Variants in TMEM123 observed in about 807,000 individuals in gnomAD.
TMEM123 encodes porimin.
TMEM123 carries 16 observed loss-of-function variants against 19.7 expected under a neutral mutation model. That is an observed-to-expected ratio of 0.81 (90% CI 0.55 to 1.23). The LOEUF (loss-of-function observed/expected upper bound fraction) is 1.23, where lower values mean the gene tolerates loss of function less well. TMEM123 is among the 50% of genes most tolerant of loss of function. The pLI is 0.00. For missense variants in TMEM123, 313 were observed against 257.8 expected (o/e 1.21, Z -1.47); for synonymous variants, 118 against 99.4 (o/e 1.19, Z -1.12).
chr11:102,444,239 C>T (rs764748761), intron 2 of TMEM123, among the ~76,000 whole-genome samples: 5 of 152,196 alleles, frequency 3.3e-5, no homozygotes, highest in African/African-American at 7.2e-5. Context: ...TATAAAGACA[C>T]ATGCACACGT....
intron 2 of TMEM123, among the ~76,000 whole-genome samples, chr11:102,420,647 C>G (rs1952077962): frequency 6.6e-6 from 1 of 152,194 alleles, no homozygotes; most frequent in Non-Finnish European, 1.5e-5. Flanking sequence ...TGCACTTCAT[C>G]ACTATTAGGC....
chr11:102,403,526 CTT>C (rs1951930491), intron 2 of TMEM123, among the ~76,000 whole-genome samples: 2 of 152,120 alleles, frequency 1.3e-5, no homozygotes, highest in Admixed American at 6.5e-5. Context: ...TTTAATATGT[CTT>C]TGTCCATTTA....
Position 102,439,644 on chromosome 11 carries a change from C to T in TMEM123, c.157+9168G>A, listed in dbSNP as rs576517538. Reference sequence around the variant, plus strand: ...TCTAAAAATCAGAGCGCCTCTTCTCCTCCAAAGGAATGCAGCTCCTCGCCA... The same window carrying T: ...TCTAAAAATCAGAGCGCCTCTTCTCTTCCAAAGGAATGCAGCTCCTCGCCA... On this transcript the variant is annotated intron_variant, in intron 2 of 4. Coordinates refer to ENST00000398136, the MANE Select transcript of TMEM123 (RefSeq NM_052932.3). Among the ~76,000 whole-genome samples, 26 of 152,310 alleles carry T rather than the reference C, an allele frequency of 1.7e-4. 1 individual carries two copies. In the South Asian group the frequency reaches 5.0e-3, roughly 29 times the overall value.
intron 2 of TMEM123, among the ~76,000 whole-genome samples, chr11:102,402,699 G>A (rs17097728): frequency 1.0e-3 from 155 of 152,312 alleles, no homozygotes; most frequent in African/African-American, 3.5e-3. Flanking sequence ...AGAATGGGAA[G>A]TCCAAGTGAG....
At chr11:102,399,960 A>G (rs1455489176) in intron 4 of TMEM123, among the ~76,000 whole-genome samples, 1 of 99,694 alleles carries the variant, frequency 1.0e-5, no homozygotes, top group Non-Finnish European at 2.0e-5. Context: ...ACAAGAGGGA[A>G]ACTCCATCTC....
chr11:102,418,792 G>T (rs2135851310), intron 2 of TMEM123, among the ~76,000 whole-genome samples: 1 of 152,286 alleles, frequency 6.6e-6, no homozygotes, highest in East Asian at 1.9e-4. Flanking sequence ...AGAAAATGTG[G>T]TATTAATAAT....
chr11:102,442,466 T>G (rs2135864134), intron 2 of TMEM123, among the ~76,000 whole-genome samples: 1 of 152,318 alleles, frequency 6.6e-6, no homozygotes, highest in East Asian at 1.9e-4. Context: ...TCTGAATAGA[T>G]GCAGAAAAGG....
chr11:102,401,512 A>G (rs556905007), intron 4 of TMEM123, 27 bp downstream of exon 4: 4 of 1,528,876 alleles, frequency 2.6e-6, no homozygotes. Context: ...AATTTTTTTT[A>G]AAAAGTCCTG....
At chr11:102,437,820 A>G (rs1213728391) in intron 2 of TMEM123, among the ~76,000 whole-genome samples, 1 of 152,166 alleles carries the variant, frequency 6.6e-6, no homozygotes, top group Admixed American at 6.6e-5. Flanking sequence ...GGCTCAAAAT[A>G]TAATTCTTTT....
chr11:102,399,019 G>T, intron 4 of TMEM123, 128 bp from the exon 5 acceptor site: 1 of 822,152 alleles, frequency 1.2e-6, no homozygotes, highest in Non-Finnish European at 1.9e-6. Context: ...TCAGTGTTCT[G>T]TGTAAAGTTC....
chr11:102,405,648 A>G (rs1412472248), intron 2 of TMEM123, among the ~76,000 whole-genome samples: 4 of 152,176 alleles, frequency 2.6e-5, no homozygotes, highest in East Asian at 1.9e-4. Flanking sequence ...GAATAAAACA[A>G]TGAACACAAT....
chr11:102,405,215 A>G (rs2135843843), intron 2 of TMEM123, among the ~76,000 whole-genome samples: 1 of 151,634 alleles, frequency 6.6e-6, no homozygotes, highest in South Asian at 2.1e-4. Flanking sequence ...CGCCTGGCTA[A>G]TTTTTGTATT....
chr11:102,446,847 A>C (rs1857889918), intron 2 of TMEM123, among the ~76,000 whole-genome samples: 1 of 152,206 alleles, frequency 6.6e-6, no homozygotes, highest in African/African-American at 2.4e-5. Context: ...TCATAATGGA[A>C]TTTGCCAAAG....
intron 2 of TMEM123, among the ~76,000 whole-genome samples, chr11:102,411,003 A>G (rs946085034): frequency 2.6e-5 from 4 of 152,026 alleles, no homozygotes; most frequent in African/African-American, 9.7e-5. Flanking sequence ...GGTTCCTGGC[A>G]CAGAGTTTCT....
intron 2 of TMEM123, among the ~76,000 whole-genome samples, chr11:102,440,812 C>CAG (rs1857817862): frequency 1.3e-5 from 2 of 151,934 alleles, no homozygotes. Context: ...ATCTCATGTG[C>CAG]AGACACACAT....
At chr11:102,400,208 C>T (rs1951900481) in intron 4 of TMEM123, among the ~76,000 whole-genome samples, 1 of 152,176 alleles carries the variant, frequency 6.6e-6, no homozygotes, top group Non-Finnish European at 1.5e-5. Flanking sequence ...TCCAACATTT[C>T]CCAAAATGTG....
At chr11:102,451,413 C>CA (rs1438073335) in intron 1 of TMEM123, among the ~76,000 whole-genome samples, 1 of 152,078 alleles carries the variant, frequency 6.6e-6, no homozygotes, top group African/African-American at 2.4e-5. Context: ...ATTAAGCAAA[C>CA]AAAAAAACTT....
At chr11:102,415,495 C>G (rs1952037028) in intron 2 of TMEM123, among the ~76,000 whole-genome samples, 1 of 152,194 alleles carries the variant, frequency 6.6e-6, no homozygotes, top group South Asian at 2.1e-4. Context: ...CAACCACACC[C>G]TCAGACCACA....
At chr11:102,411,987 C>T (rs2135847932) in intron 2 of TMEM123, among the ~76,000 whole-genome samples, 1 of 152,282 alleles carries the variant, frequency 6.6e-6, no homozygotes, top group African/African-American at 2.4e-5. Flanking sequence ...ATCTATCTAC[C>T]ACCTATCCCC....
Sources: gnomAD v4.1 joint callset for allele counts (sites outside exome capture counted in the v4.1 genomes callset) on GRCh38, gnomAD v4.1.1 for gene constraint, MANE v1.5 for transcripts, NCBI Gene and HGNC (gene_info 2026-07-23, HGNC 2026-07-21) for gene names.